SPZ1: variants seen among roughly 807,000 people sequenced by gnomAD.
The protein encoded by SPZ1 is spermatogenic leucine zipper protein 1.
For missense variants in SPZ1, 408 were observed against 486.2 expected (o/e 0.84, Z 1.51); for synonymous variants, 160 against 167.6 (o/e 0.95, Z 0.35).
chr5:80,321,238 C>A lies in SPZ1; in HGVS notation c.1023C>A (p.Leu341=). 6.2e-7 allele frequency: 1 copy of A among 1,613,782 alleles called. No individual in the cohort carries two copies. The highest frequency in any genetic ancestry group is 8.5e-7 in the Non-Finnish European group (1 of 1,179,970). ...AGAGAGTAGAGATTCTCAAGGAACT[C>A]CATCATCAGAAACAGGGAACTCTGC... ...LQQRVEILKE[L]HHQKQGTLQE... Residue 341 remains leucine (L), a synonymous_variant, in exon 1 of 1, where the codon CTC becomes CTA. Transcript: ENST00000296739.
At chr5:80,321,221 G>T, downstream of SPZ1, 1 of 1,613,904 alleles carries the variant, frequency 6.2e-7, no homozygotes, top group Non-Finnish European at 8.5e-7. Flanking sequence ...GCAGAGAGTA[G>T]AGATTCTCAA....
Position 80,320,875 on chromosome 5 carries a change from TAACGA to T in SPZ1, c.664_668del (p.Glu222SerfsTer?). ...ATCGTTTAGAAGAAAAAAAAGTCCT[TAACGA>T]AACTCAACAAAGTCAGGAAAAAGCA... On this transcript the variant is annotated frameshift_variant, in exon 2 of 2. Transcript: ENST00000511881. LOFTEE classifies it low-confidence loss of function (END_TRUNC). 6.2e-7 allele frequency: 1 copy of T among 1,612,122 alleles called. No individual in the cohort carries two copies. The highest frequency in any genetic ancestry group is 1.1e-5 in the South Asian group (1 of 90,204).
At position 80,320,189 on chromosome 5, in the gene SPZ1, A is replaced by G. The variant is rs748431644; in HGVS notation, c.-27A>G. ...ATCACCTGTCCTTCCTGGAATCTCT[A>G]AAGTTTTCTGCTTTCCTTCTGTCCT... On this transcript the variant is annotated 5_prime_UTR_variant, in exon 1 of 1. Transcript: ENST00000296739. 6 of 1,562,858 alleles carry G rather than the reference A, an allele frequency of 3.8e-6. No homozygotes were observed. Among genetic ancestry groups the G allele is most frequent in the Admixed American group, 1.9e-5 (1 of 51,902 alleles).
chr5:80,320,295 A>G lies in SPZ1; in HGVS notation c.80A>G (p.Tyr27Cys). ...VNPTPDPHQE[Y>C]LDPRITIALF... is the part of the protein sequence containing the mutation. ...CCTACTCCTGATCCTCATCAAGAAT[A>G]TCTGGACCCTAGGATTACCATTGCC... Residue 27 changes from tyrosine (Y) to cysteine (C), a missense_variant, in exon 1 of 1, where the codon TAT becomes TGT. Tyr to Cys is a radical substitution (Grantham distance 194). Coordinates refer to ENST00000296739, the MANE Select transcript of SPZ1 (RefSeq NM_032567.4). The G allele has an allele frequency of 6.2e-7, 1 of 1,613,780 alleles. No individual in the cohort carries two copies. Among genetic ancestry groups the G allele is most frequent in the Non-Finnish European group, 8.5e-7 (1 of 1,179,854 alleles).
chr5:80,320,589 C>T lies in SPZ1; in HGVS notation c.374C>T (p.Thr125Ile), dbSNP rs750612302. ...GLDKINEMLS[T>I]NLPVSLAPEK... ...GACAAAATCAATGAAATGTTATCAA[C>T]AAACCTGCCTGTTAGTTTAGCCCCA... The change falls in exon 1 of 1, where the codon ACA becomes ATA. Residue 125 changes from threonine (T) to isoleucine (I), a missense_variant. Coordinates refer to ENST00000296739, the MANE Select transcript of SPZ1 (RefSeq NM_032567.4). The T allele has an allele frequency of 6.2e-7, 1 of 1,610,268 alleles. No homozygotes were observed. The highest frequency in any genetic ancestry group is 8.5e-7 in the Non-Finnish European group (1 of 1,178,542).
Position 80,320,915 on chromosome 5 carries a change from CTT to C in SPZ1, c.701_702del (p.Leu234del), listed in dbSNP as rs764315506. On this transcript the variant is annotated frameshift_variant, in exon 2 of 2. Coordinates refer to the SPZ1 transcript ENST00000511881. LOFTEE classifies it high-confidence loss of function. ...AAGTCAGGAAAAAGCAAAAAACAGA[CTT>C]AATGTTCAAGAAGAAACTATGAAAA... is the stretch of plus-strand genomic sequence containing the variant. 2 of 1,609,828 alleles carry C rather than the reference CTT, an allele frequency of 1.2e-6. No individual in the cohort carries two copies. Among genetic ancestry groups the C allele is most frequent in the Non-Finnish European group, 1.7e-6 (2 of 1,179,202 alleles).
rs1229823714 is a variant in SPZ1 at position 80,321,432 on chromosome 5, G to A, written c.1217G>A (p.Cys406Tyr). ...SLDVCLNKKACNTQFNIHVAR... is the reference protein window; with the variant it reads ...SLDVCLNKKAYNTQFNIHVAR... ...GATGTTTGTCTTAATAAGAAAGCTT[G>A]CAATACCCAGTTCAATATTCATGTT... Residue 406 changes from cysteine (C) to tyrosine (Y), a missense_variant, in exon 1 of 1, where the codon TGC becomes TAC. By Grantham distance (194) the Cys-to-Tyr change is radical (BLOSUM62 -2). Coordinates refer to ENST00000296739, the MANE Select transcript of SPZ1 (RefSeq NM_032567.4). 6.2e-7 allele frequency: 1 copy of A among 1,609,408 alleles called. No individual in the cohort carries two copies. Among genetic ancestry groups the A allele is most frequent in the Non-Finnish European group, 8.5e-7 (1 of 1,178,976 alleles).
In SPZ1 at chr5:80,321,088, C is replaced by G; in HGVS notation, c.873C>G (p.Thr291=). ...TLGNNGVGFQ[T]QPNNEVSAKH... is the part of the protein sequence containing the mutation. Reference sequence around the variant, plus strand: ...GAAATAATGGAGTCGGTTTCCAAACCCAGCCAAATAATGAAGTGTCGGCTA... The same window carrying G: ...GAAATAATGGAGTCGGTTTCCAAACGCAGCCAAATAATGAAGTGTCGGCTA... The change falls in exon 1 of 1, where the codon ACC becomes ACG. Residue 291 remains threonine, a synonymous_variant. Coordinates refer to ENST00000296739, the MANE Select transcript of SPZ1 (RefSeq NM_032567.4). 1 of 1,613,200 alleles carries G rather than the reference C, an allele frequency of 6.2e-7. No individual in the cohort carries two copies. The highest frequency in any genetic ancestry group is 8.5e-7 in the Non-Finnish European group (1 of 1,179,852).
rs752399875 is a variant in SPZ1, at chr5:80,321,150, A to G, written c.935A>G (p.His312Arg). 1 of 1,614,042 alleles carries G rather than the reference A, an allele frequency of 6.2e-7. No homozygotes were observed. The highest frequency in any genetic ancestry group is 8.5e-7 in the Non-Finnish European group (1 of 1,180,006). Residue 312 changes from histidine (H) to arginine (R), a missense_variant, in exon 1 of 1, where the codon CAT (histidine) becomes CGT (arginine). By Grantham distance (29) the His-to-Arg change is conservative. Transcript: ENST00000296739. The stretch of plus-strand genomic sequence containing the variant: ...GAGGAACAGGTGAAGAAACTGAGCC[A>G]TGACACCTATTCATTGCAGTTGATG... Reference protein sequence around the residue: ...ELEEQVKKLSHDTYSLQLMAA... With the variant: ...ELEEQVKKLSRDTYSLQLMAA...
rs1359978677 is a variant in SPZ1 at position 80,321,495 on chromosome 5, G to A, written c.1280G>A (p.Ser427Asn). ...KALRGKMRSA[S>N]SLR ...CTTAGGGGAAAAATGAGGTCAGCTA[G>A]CAGCCTAAGATAGAAAATACCAAAA... The change falls in exon 1 of 1, where the codon AGC (serine) becomes AAC (asparagine). Residue 427 changes from serine to asparagine, a missense_variant. Coordinates refer to ENST00000296739, the MANE Select transcript of SPZ1 (RefSeq NM_032567.4). 1 of 1,578,252 alleles carries A rather than the reference G, an allele frequency of 6.3e-7. No individual in the cohort carries two copies. Among genetic ancestry groups the A allele is most frequent in the Non-Finnish European group, 8.6e-7 (1 of 1,169,574 alleles).
chr5:80,321,685 T>G lies in SPZ1; in HGVS notation c.*177T>G, dbSNP rs1743557848. On this transcript the variant is annotated 3_prime_UTR_variant, in exon 1 of 1. Transcript: ENST00000296739. ...CTCATTACTTCAGCAGTTATGTAAG[T>G]CTGGTCTTTAATGACCATTGTGTCT... is the stretch of plus-strand genomic sequence containing the variant. 1 of 502,194 alleles carries G rather than the reference T, an allele frequency of 2.0e-6. No individual in the cohort carries two copies. The highest frequency in any genetic ancestry group is 3.9e-5 in the South Asian group (1 of 25,436). The allele number at this position is 502,194 out of a possible 1,614,324, so 31.1% of individuals were successfully genotyped here. A position where few individuals can be genotyped will look rare whatever the true frequency, so the allele number is the denominator to read the frequency against.
Position 80,320,602 on chromosome 5 carries a change from T to G in SPZ1, c.387T>G (p.Val129=), listed in dbSNP as rs1743533956. 3 of 1,612,978 alleles carry G rather than the reference T, an allele frequency of 1.9e-6. No individual in the cohort carries two copies. The highest frequency in any genetic ancestry group is 2.5e-6 in the Non-Finnish European group (3 of 1,179,874). Residue 129 remains valine, a synonymous_variant, in exon 1 of 1, where the codon GTT becomes GTG. Coordinates refer to ENST00000296739, the MANE Select transcript of SPZ1 (RefSeq NM_032567.4). ...AAATGTTATCAACAAACCTGCCTGT[T>G]AGTTTAGCCCCAGAGAAAGAAGACA... ...INEMLSTNLP[V]SLAPEKEDNE...
chr5:80,320,269 C>A lies in SPZ1; in HGVS notation c.54C>A (p.Asn18Lys). 1.2e-6 allele frequency: 2 copies of A among 1,613,740 alleles called. No individual in the cohort carries two copies. Among genetic ancestry groups the A allele is most frequent in the Non-Finnish European group, 1.7e-6 (2 of 1,179,840 alleles). The stretch of plus-strand genomic sequence containing the variant: ...TGCCCACCATCTCCAAAACCGTTAA[C>A]CCTACTCCTGATCCTCATCAAGAAT... ...AEMPTISKTVNPTPDPHQEYL... is the reference protein window; with the variant it reads ...AEMPTISKTVKPTPDPHQEYL... Residue 18 changes from asparagine to lysine, a missense_variant, in exon 1 of 1, where the codon AAC becomes AAA. Physicochemically the swap from Asn to Lys is moderately conservative, Grantham distance 94. Transcript: ENST00000296739.
downstream of SPZ1, chr5:80,321,131 C>T (rs1323007525): frequency 1.9e-6 from 3 of 1,613,494 alleles, no homozygotes; most frequent in African/African-American, 4.0e-5. Flanking sequence ...GCTGGAGGAA[C>T]AGGTGAAGAA....
At position 80,320,133 on chromosome 5, in the gene SPZ1, A is replaced by G. The variant is rs1743523478; in HGVS notation, c.-83A>G. 9.1e-7 allele frequency: 1 copy of G among 1,095,014 alleles called. No homozygotes were observed. Among genetic ancestry groups the G allele is most frequent in the African/African-American group, 1.6e-5 (1 of 62,936 alleles). 67.8% of individuals were successfully genotyped at this position (1,095,014 alleles called of 1,614,324 possible). A position where few individuals can be genotyped will look rare whatever the true frequency, so the allele number is the denominator to read the frequency against. On this transcript the variant is annotated 5_prime_UTR_variant, in exon 1 of 1. Transcript: ENST00000296739. ...TGGTCTCTGACTTCTGCTTGATTCC[A>G]CAGTCTCCACCCACATTTGCACAAA... is the stretch of plus-strand genomic sequence containing the variant.
In SPZ1 at chr5:80,320,277, C is replaced by G. The variant is rs1338152001; in HGVS notation, c.62C>G (p.Pro21Arg). Reference protein sequence around the residue: ...PTISKTVNPTPDPHQEYLDPR... With the variant: ...PTISKTVNPTRDPHQEYLDPR... ...ATCTCCAAAACCGTTAACCCTACTCCTGATCCTCATCAAGAATATCTGGAC... is the reference window on the plus strand; with the variant it reads ...ATCTCCAAAACCGTTAACCCTACTCGTGATCCTCATCAAGAATATCTGGAC... Residue 21 changes from proline (P) to arginine (R), a missense_variant, in exon 1 of 1, where the codon CCT becomes CGT. Transcript: ENST00000296739. 1 of 1,613,814 alleles carries G rather than the reference C, an allele frequency of 6.2e-7. No individual in the cohort carries two copies. The highest frequency in any genetic ancestry group is 8.5e-7 in the Non-Finnish European group (1 of 1,179,852).
In SPZ1 at chr5:80,321,368, G is replaced by A. The variant is rs759542671; in HGVS notation, c.1153G>A (p.Gly385Ser). 1.2e-6 allele frequency: 2 copies of A among 1,613,630 alleles called. No individual in the cohort carries two copies. The highest frequency in any genetic ancestry group is 1.7e-5 in the Admixed American group (1 of 59,906). ...TAAGCAGAACAAGCAAGCAATGAAG[G>A]GTACATTTTGGAAAAAAGACAGATC... ...MYKQNKQAMK[G>S]TFWKKDRSCR... Residue 385 changes from glycine (G) to serine (S), a missense_variant, in exon 1 of 1, where the codon GGT becomes AGT. Gly to Ser is a moderately conservative substitution (Grantham distance 56, BLOSUM62 0). Transcript: ENST00000296739.
rs1475627951 is a variant in SPZ1, at chr5:80,321,549, C to T, written c.*41C>T. 2.1e-6 allele frequency: 3 copies of T among 1,462,580 alleles called. No individual in the cohort carries two copies. The highest frequency in any genetic ancestry group is 2.4e-5 in the Admixed American group (1 of 42,442). 90.6% of individuals were successfully genotyped at this position (1,462,580 alleles called of 1,614,324 possible). A position where few individuals can be genotyped will look rare whatever the true frequency, so the allele number is the denominator to read the frequency against. On this transcript the variant is annotated 3_prime_UTR_variant, in exon 1 of 1. Transcript: ENST00000296739. The stretch of plus-strand genomic sequence containing the variant: ...GATGAAAAGGTGAATCCTTAAAAAA[C>T]TACATCTGTTACCTCCAACTTGTCA...
At chr5:80,321,293 C>T, downstream of SPZ1, 1 of 1,611,176 alleles carries the variant, frequency 6.2e-7, no homozygotes, top group Non-Finnish European at 8.5e-7. Flanking sequence ...AAACTATAAA[C>T]AGGACAAGAA....
Sources: allele counts gnomAD v4.1 joint callset, GRCh38; gene constraint gnomAD v4.1.1; transcripts MANE v1.5; gene names NCBI Gene and HGNC (gene_info 2026-07-23, HGNC 2026-07-21).